Variants in HAPLN2 observed in about 807,000 individuals in gnomAD.
HAPLN2 encodes brain link protein-1.
Under a neutral mutation model 29.3 loss-of-function variants are expected in HAPLN2, and 27 were observed. The observed-to-expected ratio is 0.92, with a 90% CI of 0.68 to 1.27. HAPLN2 has a LOEUF of 1.27. Among genes scored for constraint, HAPLN2 ranks in the 50% most tolerant of loss-of-function variants. The pLI is 0.00. For missense variants in HAPLN2, 454 were observed against 484.3 expected (o/e 0.94, Z 0.59); for synonymous variants, 208 against 211.7 (o/e 0.98, Z 0.15).
chr1:156,605,352 G>A, the HAPLN2 span, among the ~76,000 whole-genome samples: 4 of 151,460 alleles, frequency 2.6e-5, no homozygotes, highest in East Asian at 2.0e-4. Flanking sequence ...AGCACTTTGC[G>A]AGGCCGACAT....
chr1:156,617,650 CTTTTTTT>C (rs56771313), upstream of HAPLN2, among the ~76,000 whole-genome samples: 1 of 137,390 alleles, frequency 7.3e-6, no homozygotes, highest in African/African-American at 2.7e-5. Flanking sequence ...TGCCCAGCCT[CTTTTTTT>C]TTTTTTTTTT....
At chr1:156,607,947 A>C in the HAPLN2 span, among the ~76,000 whole-genome samples, 2 of 152,170 alleles carry the variant, frequency 1.3e-5, no homozygotes, top group Non-Finnish European at 2.9e-5. Flanking sequence ...GTTGAGGAAA[A>C]AAAAAAGGTG....
chr1:156,620,578 T>C (rs1382991077), intron 2 of HAPLN2, among the ~76,000 whole-genome samples: 1 of 152,236 alleles, frequency 6.6e-6, no homozygotes, highest in Non-Finnish European at 1.5e-5. Flanking sequence ...CTCTTGCTCA[T>C]GTTCGCATCC....
the HAPLN2 span, among the ~76,000 whole-genome samples, chr1:156,605,558 C>G: frequency 2.3e-5 from 3 of 129,946 alleles, no homozygotes; most frequent in African/African-American, 8.5e-5. Context: ...GAGATCATGC[C>G]ACTGCACTCC....
At chr1:156,602,622 G>T in the HAPLN2 span, among the ~76,000 whole-genome samples, 1 of 151,256 alleles carries the variant, frequency 6.6e-6, no homozygotes, top group Non-Finnish European at 1.5e-5. Flanking sequence ...ACTGAGGTGG[G>T]AGGATCCCTT....
At chr1:156,621,495 G>A (rs1274939516) in intron 2 of HAPLN2, among the ~76,000 whole-genome samples, 1 of 151,820 alleles carries the variant, frequency 6.6e-6, no homozygotes, top group African/African-American at 2.4e-5. Context: ...AGCATTTTGG[G>A]AGGCCAAGGA....
chr1:156,604,411 A>G, the HAPLN2 span, among the ~76,000 whole-genome samples: 2 of 151,302 alleles, frequency 1.3e-5, no homozygotes, highest in Non-Finnish European at 2.9e-5. Flanking sequence ...TGCCTCAGCC[A>G]CCTGAGTAGC....
chr1:156,605,831 C>T, the HAPLN2 span, among the ~76,000 whole-genome samples: 1 of 151,868 alleles, frequency 6.6e-6, no homozygotes, highest in Non-Finnish European at 1.5e-5. Flanking sequence ...CAAAACAGTT[C>T]AATGGAGAAA....
At chr1:156,612,673 C>T in the HAPLN2 span, among the ~76,000 whole-genome samples, 9 of 152,228 alleles carry the variant, frequency 5.9e-5, no homozygotes, top group South Asian at 1.9e-3. Flanking sequence ...ACGGGAGCAG[C>T]AAACACTAAA....
chr1:156,604,932 T>C, the HAPLN2 span, among the ~76,000 whole-genome samples: 1 of 151,910 alleles, frequency 6.6e-6, no homozygotes, highest in South Asian at 2.1e-4. Flanking sequence ...TTTTTTTTTT[T>C]TGCATAAATC....
In HAPLN2 at chr1:156,625,060, G is replaced by T. The variant is rs1678402192; in HGVS notation, c.740-41G>T. On this transcript the variant is annotated intron_variant, in intron 6 of 6. Transcript: ENST00000255039. The surrounding 1 kb of genome is among the most constrained non-coding windows in gnomAD (Gnocchi z 5.7). ...TCCTGGGTGTCAGCCGCCCCTCTCCGCCCACCCTGCCCTCGGTCGGTGACC... is the reference window on the plus strand; with the variant it reads ...TCCTGGGTGTCAGCCGCCCCTCTCCTCCCACCCTGCCCTCGGTCGGTGACC... 4 of 1,527,132 alleles carry T rather than the reference G, an allele frequency of 2.6e-6. No individual in the cohort carries two copies. The highest frequency in any genetic ancestry group is 3.5e-6 in the Non-Finnish European group (4 of 1,143,364). 94.6% of individuals were successfully genotyped at this position (1,527,132 alleles called of 1,614,324 possible).
In HAPLN2 at chr1:156,623,899, G is replaced by A; in HGVS notation, c.178G>A (p.Gly60Ser). 6.3e-7 allele frequency: 1 copy of A among 1,597,442 alleles called. No homozygotes were observed. The highest frequency in any genetic ancestry group is 1.3e-5 in the African/African-American group (1 of 74,822). Residue 60 changes from glycine (G) to serine (S), a missense_variant, in exon 4 of 7, where the codon GGC becomes AGC. Coordinates refer to ENST00000255039, the MANE Select transcript of HAPLN2 (RefSeq NM_021817.3). ...CACGGCCACGCTGCCCTGCGTCCTG[G>A]GCACCACGCCTCCCAGCTACAAGGT... ...GATATLPCVL[G>S]TTPPSYKVRW... is the part of the protein sequence containing the mutation.
chr1:156,607,862 G>A, the HAPLN2 span, among the ~76,000 whole-genome samples: 2 of 151,866 alleles, frequency 1.3e-5, no homozygotes, highest in South Asian at 2.1e-4. Flanking sequence ...CAATGAGTGT[G>A]GGATTTTTAA....
At chr1:156,601,526 G>A in the HAPLN2 span, 11 of 1,480,352 alleles carry the variant, frequency 7.4e-6, no homozygotes. Context: ...GACGTCCGCG[G>A]GAACCAAAAT....
At position 156,625,549 on chromosome 1, in the gene HAPLN2, C is replaced by G. The variant is rs1571424371; in HGVS notation, c.*165C>G. 1.4e-6 allele frequency: 1 copy of G among 694,892 alleles called. No homozygotes were observed. The highest frequency in any genetic ancestry group is 2.1e-6 in the Non-Finnish European group (1 of 465,778). The allele number at this position is 694,892 out of a possible 1,614,324, so 43.0% of individuals were successfully genotyped here. On this transcript the variant is annotated 3_prime_UTR_variant, in exon 7 of 7. Transcript: ENST00000255039. The surrounding 1 kb of genome is among the most constrained non-coding windows in gnomAD (Gnocchi z 5.7). ...TGCGGGCCTCGGACCCCGGCTGGCC[C>G]GGCGGCGGGGAGGGGAGGCGGGGGC...
At position 156,624,486 on chromosome 1, in the gene HAPLN2, C is replaced by A; in HGVS notation, c.556+19C>A. The A allele has an allele frequency of 6.2e-7, 1 of 1,610,142 alleles. No homozygotes were observed. Among genetic ancestry groups the A allele is most frequent in the South Asian group, 1.1e-5 (1 of 90,564 alleles). On this transcript the variant is annotated intron_variant, in intron 5 of 6. Transcript: ENST00000255039. ...TACCAGGGTGAGCGGCCGAACCCAG[C>A]ACTTCCCAAGCCCCGCGGAGCTGTC...
rs771383758 is a variant in HAPLN2 at position 156,624,041 on chromosome 1, A to G, written c.320A>G (p.His107Arg). ...LGGRARMRRG[H>R]RLDASLVIAG... is the part of the protein sequence containing the mutation. ...GGGCGCGCCAGGATGCGGAGGGGGCATCGACTAGACGCCTCCCTGGTCATC... is the reference window on the plus strand; with the variant it reads ...GGGCGCGCCAGGATGCGGAGGGGGCGTCGACTAGACGCCTCCCTGGTCATC... The change falls in exon 4 of 7, where the codon CAT becomes CGT. Residue 107 changes from histidine (H) to arginine (R), a missense_variant. Physicochemically the swap from His to Arg is conservative, Grantham distance 29 (BLOSUM62 0). This residue lies in a region of HAPLN2 where 204 missense variants were observed against 209.2 expected (regional missense o/e 0.98). Transcript: ENST00000255039. 13 of 1,612,902 alleles carry G rather than the reference A, an allele frequency of 8.1e-6. No individual in the cohort carries two copies. The highest frequency in any genetic ancestry group is 8.5e-6 in the Non-Finnish European group (10 of 1,179,724).
intron 3 of HAPLN2, 110 bp downstream of exon 3, chr1:156,623,685 T>A: frequency 6.5e-7 from 1 of 1,538,938 alleles, no homozygotes. Context: ...AAGTCATTGC[T>A]GAGAAGGCAA....
At chr1:156,621,120 T>TTG (rs1678204573) in intron 2 of HAPLN2, among the ~76,000 whole-genome samples, 1 of 151,054 alleles carries the variant, frequency 6.6e-6, no homozygotes, top group Non-Finnish European at 1.5e-5. Flanking sequence ...TTTTTTTTTT[T>TTG]TTGAGACAAG....
Sources: gnomAD v4.1 joint callset for allele counts (sites outside exome capture counted in the v4.1 genomes callset) on GRCh38, gnomAD v4.1.1 for gene constraint, gnomAD v4.1.1 regional missense constraint, Gnocchi (gnomAD v3.1) non-coding constraint, MANE v1.5 for transcripts, NCBI Gene and HGNC (gene_info 2026-07-23, HGNC 2026-07-21) for gene names.